The following ASTN2 variants were observed in gnomAD, a reference collection of about 807,000 sequenced individuals.
The protein encoded by ASTN2 is astrotactin 2, also known as astrotactin-2.
In ASTN2, 54 loss-of-function variants were observed where a neutral mutation model predicts 139.8. That is an observed-to-expected ratio of 0.39 (90% CI 0.31 to 0.48). The LOEUF (loss-of-function observed/expected upper bound fraction) is 0.48, where lower values mean the gene tolerates loss of function less well. Among genes scored for constraint, ASTN2 ranks in the 20% least tolerant of loss-of-function variants. The probability of loss-of-function intolerance (pLI) is 0.95; values close to 1 mark genes in which losing one functional copy is unlikely to be tolerated. For missense variants in ASTN2, 1,565 were observed against 1,725.1 expected, an observed-to-expected ratio of 0.91 and a Z score of 1.64; for synonymous variants, 756 against 719.5, an observed-to-expected ratio of 1.05 and a Z score of -0.81.
At chr9:116,838,100 TG>T (rs1405279113) in intron 11 of ASTN2, among the ~76,000 whole-genome samples, 7 of 129,238 alleles carry the variant, frequency 5.4e-5, no homozygotes, top group Non-Finnish European at 1.1e-4. Context: ...TGCCTGGCTG[TG>T]TTTTTTTTTG....
chr9:116,664,169 T>C (rs971132729), intron 16 of ASTN2, among the ~76,000 whole-genome samples: 1 of 152,058 alleles, frequency 6.6e-6, no homozygotes, highest in African/African-American at 2.4e-5. Context: ...TAGAATAATA[T>C]TGTATGTGAT....
At chr9:116,769,471 G>A (rs1829900016) in intron 13 of ASTN2, among the ~76,000 whole-genome samples, 1 of 152,156 alleles carries the variant, frequency 6.6e-6, no homozygotes, top group Non-Finnish European at 1.5e-5. Context: ...GTAGCTAAAG[G>A]CAAATGAGGA....
At chr9:116,665,983 T>C (rs1437261315) in intron 16 of ASTN2, among the ~76,000 whole-genome samples, 1 of 152,150 alleles carries the variant, frequency 6.6e-6, no homozygotes, top group African/African-American at 2.4e-5. Context: ...TTGAACTGGA[T>C]TTCAGGGTAA....
At chr9:116,531,734 A>G (rs1330899675) in intron 19 of ASTN2, among the ~76,000 whole-genome samples, 1 of 152,156 alleles carries the variant, frequency 6.6e-6, no homozygotes, top group Non-Finnish European at 1.5e-5. Context: ...CATGGTGTAT[A>G]TGTGCCACAT....
intron 5 of ASTN2, among the ~76,000 whole-genome samples, chr9:117,071,328 T>A (rs1828118930): frequency 1.3e-5 from 2 of 151,636 alleles, no homozygotes; most frequent in Admixed American, 1.3e-4. Context: ...TGCTCGGGGG[T>A]CAGGGGTCAG....
chr9:116,657,720 A>G lies in ASTN2; in HGVS notation c.2807-5927T>C, dbSNP rs550959330. Among the ~76,000 whole-genome samples the G allele has an allele frequency of 5.9e-5, 9 of 152,270 alleles. No individual in the cohort carries two copies. The South Asian group carries it at 1.7e-3, about 28-fold the overall frequency. On this transcript the variant is annotated intron_variant, in intron 16 of 22. Transcript: ENST00000313400. ...GCTGGGCCTGTTGGCACACGCCTGT[A>G]ATCTCAGTTATTTGGGAGGCTGAGG...
At chr9:116,976,679 C>T in intron 8 of ASTN2, 22 bp downstream of exon 8, 1 of 1,612,568 alleles carries the variant, frequency 6.2e-7, no homozygotes, top group Non-Finnish European at 8.5e-7. Context: ...CTGTCCTGGA[C>T]CTGATGCCCT....
chr9:117,005,965 C>A (rs74625828), intron 7 of ASTN2, among the ~76,000 whole-genome samples: 1 of 152,106 alleles, frequency 6.6e-6, no homozygotes, highest in Non-Finnish European at 1.5e-5. Context: ...TGCAGGCTCC[C>A]AGCACCAGAC....
intron 19 of ASTN2, among the ~76,000 whole-genome samples, chr9:116,525,854 A>G (rs984291940): frequency 6.6e-5 from 10 of 152,010 alleles, no homozygotes; most frequent in African/African-American, 2.2e-4. Context: ...ATGCAATCCC[A>G]CTCACCATTC....
At chr9:116,554,055 T>C (rs569539767) in intron 19 of ASTN2, among the ~76,000 whole-genome samples, 1 of 152,318 alleles carries the variant, frequency 6.6e-6, no homozygotes, top group Admixed American at 6.5e-5. Context: ...TACTTTTTAG[T>C]TTTTATAATT....
chr9:117,334,679 C>T (rs1041746724), intron 1 of ASTN2, among the ~76,000 whole-genome samples: 1 of 152,118 alleles, frequency 6.6e-6, no homozygotes, highest in Non-Finnish European at 1.5e-5. Context: ...TTCCTAAGAG[C>T]CTCCTGTGGC....
chr9:116,620,513 T>A (rs113366410), intron 17 of ASTN2, 70 bp from the exon 18 acceptor site: 1 of 1,591,704 alleles, frequency 6.3e-7, no homozygotes, highest in African/African-American at 1.3e-5. Context: ...AATGTGCTGA[T>A]GGCCATGATG....
At chr9:117,309,948 T>C (rs1366442285) in intron 1 of ASTN2, among the ~76,000 whole-genome samples, 1 of 152,146 alleles carries the variant, frequency 6.6e-6, no homozygotes, top group Non-Finnish European at 1.5e-5. Flanking sequence ...ACGTTTTCAT[T>C]TTGCACTGGG....
chr9:117,414,767 C>T lies in ASTN2; in HGVS notation c.172G>A (p.Glu58Lys), dbSNP rs897360968. The T allele has an allele frequency of 2.4e-6, 3 of 1,265,664 alleles. No homozygotes were observed. Among genetic ancestry groups the T allele is most frequent in the Non-Finnish European group, 3.0e-6 (3 of 1,003,974 alleles). 78.4% of individuals were successfully genotyped at this position (1,265,664 alleles called of 1,614,324 possible). ...TTCAGCCGGCACGGGCTGTCGGGCT[C>T]CCGCGAGGCAGCGGCGGTGGCGCCG... ...LAGATAAASR[E>K]PDSPCRLKTV... The change falls in exon 1 of 23, where the codon GAG becomes AAG. Residue 58 changes from glutamate (E) to lysine (K), a missense_variant. Glu to Lys is a moderately conservative substitution (Grantham distance 56). Transcript: ENST00000313400. This position sits in a 1 kb window ranked among gnomAD's most constrained non-coding sequence, Gnocchi z 4.2.
intron 13 of ASTN2, among the ~76,000 whole-genome samples, chr9:116,744,914 G>T (rs1829193661): frequency 6.6e-6 from 1 of 152,134 alleles, no homozygotes; most frequent in African/African-American, 2.4e-5. Flanking sequence ...CAGATCTCAA[G>T]CCTAACCCCC....
At chr9:117,125,105 C>T (rs1829654574) in intron 4 of ASTN2, among the ~76,000 whole-genome samples, 1 of 152,066 alleles carries the variant, frequency 6.6e-6, no homozygotes, top group Non-Finnish European at 1.5e-5. Context: ...TAAAGTATTC[C>T]CTTCTAATGG....
intron 2 of ASTN2, among the ~76,000 whole-genome samples, chr9:117,234,811 C>T (rs1832997565): frequency 6.6e-6 from 1 of 152,152 alleles, no homozygotes; most frequent in South Asian, 2.1e-4. Context: ...AACCTGGCCC[C>T]TTGGTGGCCA....
At chr9:117,186,180 GTAAT>G (rs1831192328) in intron 3 of ASTN2, among the ~76,000 whole-genome samples, 1 of 152,136 alleles carries the variant, frequency 6.6e-6, no homozygotes, top group Admixed American at 6.5e-5. Context: ...AATTTTATGC[GTAAT>G]TATTTATTAA....
At chr9:116,923,792 T>C (rs2132440056) in intron 10 of ASTN2, among the ~76,000 whole-genome samples, 1 of 152,316 alleles carries the variant, frequency 6.6e-6, no homozygotes, top group African/African-American at 2.4e-5. Context: ...TTCTGACCCA[T>C]GCAAGGGTTC....
Sources: allele counts gnomAD v4.1 joint callset (sites outside exome capture counted in the v4.1 genomes callset), GRCh38; gene constraint gnomAD v4.1.1; non-coding constraint Gnocchi (gnomAD v3.1); transcripts MANE v1.5; gene names NCBI Gene and HGNC (gene_info 2026-07-23, HGNC 2026-07-21).